Variants in NFIA observed in about 807,000 individuals in gnomAD.
The protein encoded by NFIA is nuclear factor I A.
Under a neutral mutation model 62.8 loss-of-function variants are expected in NFIA, and 8 were observed. That is an observed-to-expected ratio of 0.13 (90% CI 0.07 to 0.23). The LOEUF (loss-of-function observed/expected upper bound fraction) is 0.23, where lower values mean the gene tolerates loss of function less well. Ranked by LOEUF, NFIA falls within the 10% of genes least tolerant of loss-of-function variation. NFIA has a pLI of 1.00. For missense variants in NFIA, 410 were observed against 642.1 expected (o/e 0.64, Z 3.91); for synonymous variants, 235 against 238.1 (o/e 0.99, Z 0.12).
chr1:61,115,707 G>A (rs1646782785), intron 2 of NFIA, among the ~76,000 whole-genome samples: 1 of 152,176 alleles, frequency 6.6e-6, no homozygotes, highest in Non-Finnish European at 1.5e-5. Context: ...TGACCCTTGA[G>A]CAAGGCTGCC....
At position 61,187,047 on chromosome 1, in the gene NFIA, G is replaced by C. The variant is rs945677026; in HGVS notation, c.560-90473G>C. 3.9e-5 allele frequency among the ~76,000 whole-genome samples: 6 copies of C among 152,284 alleles called. No individual in the cohort carries two copies. In the East Asian group the frequency reaches 1.2e-3, roughly 29 times the overall value. On this transcript the variant is annotated intron_variant, in intron 2 of 10. Transcript: ENST00000403491. ...TTCAGTAAAGAGCCAGTTTCACCCTGTTAGCCCTTGTTGCTTTATTTGTAA... is the reference window on the plus strand; with the variant it reads ...TTCAGTAAAGAGCCAGTTTCACCCTCTTAGCCCTTGTTGCTTTATTTGTAA...
chr1:61,460,094 C>T lies in NFIA; in HGVS notation c.*4774C>T, dbSNP rs1668471835. 1 of 152,182 alleles carries T rather than the reference C, an allele frequency of 6.6e-6. No homozygotes were observed. Among genetic ancestry groups the T allele is most frequent in the Non-Finnish European group, 1.5e-5 (1 of 68,052 alleles). 9.4% of individuals were successfully genotyped at this position (152,182 alleles called of 1,614,324 possible). A position where few individuals can be genotyped will look rare whatever the true frequency, so the allele number is the denominator to read the frequency against. On this transcript the variant is annotated 3_prime_UTR_variant, in exon 11 of 11. Coordinates refer to ENST00000403491, the MANE Select transcript of NFIA (RefSeq NM_001134673.4). ...CCACCCTTCGAGATCTGTCCAAAGACAGTCTCAGAAAGCTGCACTGCCCAC... is the reference window on the plus strand; with the variant it reads ...CCACCCTTCGAGATCTGTCCAAAGATAGTCTCAGAAAGCTGCACTGCCCAC...
intron 3 of NFIA, among the ~76,000 whole-genome samples, chr1:61,289,694 C>A (rs1658741483): frequency 6.6e-6 from 1 of 152,212 alleles, no homozygotes; most frequent in South Asian, 2.1e-4. Context: ...GTTCTGAGCA[C>A]AAACAACGTT....
At chr1:61,136,104 A>T (rs1446014669) in intron 2 of NFIA, among the ~76,000 whole-genome samples, 1 of 152,170 alleles carries the variant, frequency 6.6e-6, no homozygotes, top group Non-Finnish European at 1.5e-5. Context: ...CGGAAACCTG[A>T]TCTTACTTAT....
At chr1:61,114,769 T>C (rs1434918502) in intron 2 of NFIA, among the ~76,000 whole-genome samples, 1 of 152,156 alleles carries the variant, frequency 6.6e-6, no homozygotes, top group East Asian at 1.9e-4. Flanking sequence ...TTGTCACTTT[T>C]CTATATTTAC....
At chr1:61,098,647 A>G (rs1436816662) in intron 2 of NFIA, among the ~76,000 whole-genome samples, 1 of 152,212 alleles carries the variant, frequency 6.6e-6, no homozygotes, top group Non-Finnish European at 1.5e-5. Flanking sequence ...ATATGTGACA[A>G]GGACTTTTAT....
chr1:61,231,620 G>T (rs1330269427), intron 2 of NFIA, among the ~76,000 whole-genome samples: 6 of 152,142 alleles, frequency 3.9e-5, no homozygotes, highest in Admixed American at 6.5e-5. Context: ...CCTTTAAGAA[G>T]TTTGTATATA....
chr1:61,441,396 T>G (rs1667576753), intron 10 of NFIA, among the ~76,000 whole-genome samples: 1 of 151,940 alleles, frequency 6.6e-6, no homozygotes, highest in African/African-American at 2.4e-5. Context: ...AGCTTTTTTT[T>G]GCATATTTTC....
chr1:61,171,465 T>G (rs940379826), intron 2 of NFIA, among the ~76,000 whole-genome samples: 5 of 152,244 alleles, frequency 3.3e-5, no homozygotes, highest in Non-Finnish European at 7.3e-5. Flanking sequence ...TTTTCTCTGG[T>G]TGAGCCAAGT....
chr1:61,088,270 A>G lies in NFIA; in HGVS notation c.149A>G (p.Lys50Arg). 1 of 1,613,692 alleles carries G rather than the reference A, an allele frequency of 6.2e-7. No individual in the cohort carries two copies. The highest frequency in any genetic ancestry group is 1.3e-5 in the African/African-American group (1 of 74,860). Residue 50 changes from lysine (K) to arginine (R), a missense_variant, in exon 2 of 11, where the codon AAA (lysine) becomes AGA (arginine). Physicochemically the swap from Lys to Arg is conservative, Grantham distance 26. This residue lies in a region of NFIA where 86 missense variants were observed against 124.6 expected (regional missense o/e 0.69). Coordinates refer to ENST00000403491, the MANE Select transcript of NFIA (RefSeq NM_001134673.4). This position sits in a 1 kb window ranked among gnomAD's most constrained non-coding sequence, Gnocchi z 4.5. ...AAAAAACATGAAAAGCGTATGTCAA[A>G]AGAAGAAGAGAGAGCCGTGAAGGAT... ...YFKKHEKRMS[K>R]EEERAVKDEL...
intron 2 of NFIA, among the ~76,000 whole-genome samples, chr1:61,235,667 G>T (rs1401632950): frequency 1.4e-5 from 2 of 146,520 alleles, no homozygotes; most frequent in East Asian, 2.0e-4. Context: ...AAAAAAAAAA[G>T]CTGGGTGTGG....
At chr1:61,174,462 A>G (rs1185783414) in intron 2 of NFIA, among the ~76,000 whole-genome samples, 3 of 152,242 alleles carry the variant, frequency 2.0e-5, no homozygotes, top group Non-Finnish European at 4.4e-5. Flanking sequence ...TTATGAATCC[A>G]GTGCAGTGCA....
intron 4 of NFIA, among the ~76,000 whole-genome samples, chr1:61,338,170 T>G (rs890669572): frequency 2.6e-5 from 4 of 152,208 alleles, no homozygotes; most frequent in African/African-American, 9.6e-5. Context: ...CAGTACACTG[T>G]GGCCAGCCTT....
upstream of NFIA, chr1:61,082,457 G>A (rs1410381146): frequency 2.9e-6 from 3 of 1,049,924 alleles, no homozygotes; most frequent in Non-Finnish European, 3.4e-6. Flanking sequence ...CGGGCAGCTC[G>A]CGGGCACCCG....
At chr1:61,248,334 C>T (rs990098872) in intron 2 of NFIA, among the ~76,000 whole-genome samples, 12 of 152,106 alleles carry the variant, frequency 7.9e-5, no homozygotes, top group Admixed American at 2.6e-4. Flanking sequence ...AGATGGATTT[C>T]GTAAAAATGC....
chr1:61,078,976 A>C (rs1296127646), upstream of NFIA, among the ~76,000 whole-genome samples: 1 of 152,148 alleles, frequency 6.6e-6, no homozygotes, highest in African/African-American at 2.4e-5. Flanking sequence ...TAGACACCCA[A>C]TTCTGTTGGG....
At chr1:61,346,719 T>C (rs1662246823) in intron 4 of NFIA, among the ~76,000 whole-genome samples, 1 of 152,202 alleles carries the variant, frequency 6.6e-6, no homozygotes, top group East Asian at 1.9e-4. Context: ...CCCCCTTCCA[T>C]GCATTCTGAA....
In NFIA at chr1:61,176,948, C is replaced by CA. The variant is rs745702567; in HGVS notation, c.559+88276dup. On this transcript the variant is annotated intron_variant, in intron 2 of 10. Transcript: ENST00000403491. ...TGAAACCCCGTCTCTACTAAAAGTA[C>CA]AAAAAAAATTAGCTGGGCATGGTGG... 2.9e-3 allele frequency among the ~76,000 whole-genome samples: 444 copies of CA among 151,510 alleles called. 5 individuals are homozygous for CA. The highest frequency in any genetic ancestry group is 4.7e-3 in the Non-Finnish European group (319 of 67,826).
intron 2 of NFIA, among the ~76,000 whole-genome samples, chr1:61,170,176 A>G (rs1489639488): frequency 1.3e-5 from 2 of 152,094 alleles, no homozygotes; most frequent in African/African-American, 4.8e-5. Flanking sequence ...TCTGACTGCA[A>G]CCTCTGGACA....
Sources: allele counts gnomAD v4.1 joint callset (sites outside exome capture counted in the v4.1 genomes callset), GRCh38; gene constraint gnomAD v4.1.1; regional missense constraint gnomAD v4.1.1; non-coding constraint Gnocchi (gnomAD v3.1); transcripts MANE v1.5; gene names NCBI Gene and HGNC (gene_info 2026-07-23, HGNC 2026-07-21).